The following TNN variants were observed in gnomAD, a reference collection of about 807,000 sequenced individuals.
The protein encoded by TNN is tenascin-N.
Under a neutral mutation model 134.4 loss-of-function variants are expected in TNN, and 122 were observed. The observed-to-expected ratio is 0.91, with a 90% CI of 0.78 to 1.06. The LOEUF is 1.06. Among genes scored for constraint, TNN ranks in the 50% least tolerant of loss-of-function variants. The probability of loss-of-function intolerance (pLI) is 0.00; values close to 1 mark genes in which losing one functional copy is unlikely to be tolerated. For missense variants in TNN, 1,739 were observed against 1,699.4 expected, an observed-to-expected ratio of 1.02 and a Z score of -0.41; for synonymous variants, 710 against 670.3, an observed-to-expected ratio of 1.06 and a Z score of -0.91.
rs1160268455 is a variant in TNN at position 175,109,072 on chromosome 1, A to ATTTTTTTTTTTT, written c.2120-7851_2120-7840dup. On this transcript the variant is annotated intron_variant, in intron 9 of 18. Transcript: ENST00000239462. Reference sequence around the variant, plus strand: ...GAATGTATTTCTTCTATCTAACTGTATTTTTTTTTTTTTTTTTTTTTTTTT... The same window carrying ATTTTTTTTTTTT: ...GAATGTATTTCTTCTATCTAACTGTATTTTTTTTTTTTTTTTTTTTTTTTTTTTTTTTTTTTT... Among the ~76,000 whole-genome samples the ATTTTTTTTTTTT allele has an allele frequency of 5.6e-3, 347 of 61,966 alleles. 65 individuals carry two copies. The highest frequency in any genetic ancestry group is 9.3e-3 in the African/African-American group (139 of 14,910). 40.7% of individuals were successfully genotyped at this position (61,966 alleles called of 152,430 possible).
At chr1:175,109,072 ATTTTTT>A (rs1160268455) in intron 9 of TNN, among the ~76,000 whole-genome samples, 20 of 61,978 alleles carry the variant, frequency 3.2e-4, no homozygotes, top group African/African-American at 6.7e-4. Flanking sequence ...ATCTAACTGT[ATTTTTT>A]TTTTTTTTTT....
chr1:175,108,497 G>T (rs1037356036), intron 9 of TNN, among the ~76,000 whole-genome samples: 7 of 152,256 alleles, frequency 4.6e-5, no homozygotes, highest in Non-Finnish European at 8.8e-5. Context: ...ACTGGGCGCC[G>T]TGGAGCAGGG....
In TNN at chr1:175,104,666, G is replaced by T. The variant is rs565925641; in HGVS notation, c.2119+6071G>T. 9.6e-5 allele frequency among the ~76,000 whole-genome samples: 14 copies of T among 145,344 alleles called. 5 individuals are homozygous for T. In the East Asian group the frequency reaches 3.3e-3, roughly 34 times the overall value. The stretch of plus-strand genomic sequence containing the variant: ...TTGGTCCCTATTATAGAACACCAAG[G>T]TTGCCAGGTTTAATAATGTCTCTAG... On this transcript the variant is annotated intron_variant, in intron 9 of 18. Transcript: ENST00000239462.
At chr1:175,119,784 G>A (rs1410423997) in intron 11 of TNN, among the ~76,000 whole-genome samples, 4 of 151,944 alleles carry the variant, frequency 2.6e-5, no homozygotes. Context: ...ACAAGCGCCC[G>A]CCACCATGCC....
intron 9 of TNN, among the ~76,000 whole-genome samples, chr1:175,100,655 G>A (rs1674698610): frequency 1.3e-5 from 2 of 151,954 alleles, no homozygotes; most frequent in Non-Finnish European, 2.9e-5. Flanking sequence ...AGTGACTTTG[G>A]GAAAACGGCT....
In TNN at chr1:175,079,560, G is replaced by A; in HGVS notation, c.637G>A (p.Val213Met). The A allele has an allele frequency of 1.3e-6, 2 of 1,575,904 alleles. No individual in the cohort carries two copies. Among genetic ancestry groups the A allele is most frequent in the South Asian group, 1.2e-5 (1 of 86,688 alleles). ...GAACTGCAGCGGACACGGCGAGTGC[G>A]TGCGCGGCGTGTGCCAGTGCCACGA... ...PENCSGHGECVRGVCQCHEDF... is the reference protein window; with the variant it reads ...PENCSGHGECMRGVCQCHEDF... Residue 213 changes from valine (V) to methionine (M), a missense_variant, in exon 3 of 19, where the codon GTG becomes ATG. Transcript: ENST00000239462.
intron 9 of TNN, among the ~76,000 whole-genome samples, chr1:175,099,579 A>AGGGGTCAGGAGGAGGAGAGG: frequency 4.1e-5 from 3 of 73,176 alleles, no homozygotes; most frequent in African/African-American, 1.7e-4. Context: ...AAGAGGAGAG[A>AGGGGTCAGGAGGAGGAGAGG]TGAGGGCTCA....
intron 2 of TNN, 38 bp downstream of exon 2, chr1:175,077,865 G>C: frequency 6.3e-7 from 1 of 1,582,786 alleles, no homozygotes; most frequent in Admixed American, 1.7e-5. Context: ...ACAAACATTT[G>C]ATGAGCACCT....
intron 6 of TNN, among the ~76,000 whole-genome samples, chr1:175,089,029 C>T (rs189591818): frequency 1.3e-5 from 2 of 152,178 alleles, no homozygotes; most frequent in Non-Finnish European, 2.9e-5. Flanking sequence ...TCAATTATAT[C>T]CTAAAACCAG....
At chr1:175,139,831 G>A (rs1675903562) in intron 17 of TNN, among the ~76,000 whole-genome samples, 1 of 152,248 alleles carries the variant, frequency 6.6e-6, no homozygotes, top group Admixed American at 6.5e-5. Context: ...TACGACAGCT[G>A]TGATGTCACT....
chr1:175,075,155 C>T (rs1356931224), intron 1 of TNN, among the ~76,000 whole-genome samples: 3 of 152,204 alleles, frequency 2.0e-5, no homozygotes, highest in African/African-American at 7.2e-5. Context: ...GCTCTTCACC[C>T]CCTGTTTCCT....
At chr1:175,136,740 G>A in intron 16 of TNN, 81 bp from the exon 17 acceptor site, 1 of 1,386,786 alleles carries the variant, frequency 7.2e-7, no homozygotes, top group Admixed American at 2.2e-5. Flanking sequence ...TTTAGGTTCT[G>A]AAAGCCTCAG....
At chr1:175,137,637 T>A (rs187619189) in intron 17 of TNN, among the ~76,000 whole-genome samples, 1 of 152,204 alleles carries the variant, frequency 6.6e-6, no homozygotes, top group East Asian at 1.9e-4. Context: ...AATGCTGGAA[T>A]GATACCAGTA....
intron 1 of TNN, among the ~76,000 whole-genome samples, chr1:175,070,869 G>T (rs1324030469): frequency 1.3e-5 from 2 of 152,292 alleles, no homozygotes; most frequent in East Asian, 3.9e-4. Flanking sequence ...AGGTTACTTG[G>T]GAAGTACAGG....
In TNN at chr1:175,118,627, A is replaced by T. The variant is rs1675254416; in HGVS notation, c.2453A>T (p.Asp818Val). 6.2e-7 allele frequency: 1 copy of T among 1,614,058 alleles called. No individual in the cohort carries two copies. The highest frequency in any genetic ancestry group is 2.2e-5 in the East Asian group (1 of 44,874). ...VTENTATVSW[D>V]PVQATIDRYV... is the part of the protein sequence containing the mutation. ...GAGAATACAGCCACTGTCTCCTGGGACCCGGTGCAGGCCACCATTGACAGG... is the reference window on the plus strand; with the variant it reads ...GAGAATACAGCCACTGTCTCCTGGGTCCCGGTGCAGGCCACCATTGACAGG... The change falls in exon 11 of 19, where the codon GAC becomes GTC. Residue 818 changes from aspartate (D) to valine (V), a missense_variant. Transcript: ENST00000239462.
chr1:175,144,825 G>A (rs1030305666), intron 18 of TNN, among the ~76,000 whole-genome samples: 2 of 152,266 alleles, frequency 1.3e-5, no homozygotes, highest in African/African-American at 4.8e-5. Context: ...GACAGATGAT[G>A]TGCTCTGCAC....
At chr1:175,104,599 G>A (rs906127925) in intron 9 of TNN, among the ~76,000 whole-genome samples, 3 of 145,436 alleles carry the variant, frequency 2.1e-5, no homozygotes, top group Admixed American at 6.9e-5. Flanking sequence ...CTAAGGCTGC[G>A]GCCTTTCTCT....
intron 2 of TNN, 101 bp from the exon 3 acceptor site, chr1:175,079,232 G>A (rs1674128982): frequency 7.5e-7 from 1 of 1,339,950 alleles, no homozygotes; most frequent in Non-Finnish European, 9.8e-7. Context: ...CCTTAAGAGT[G>A]GGGCTAATGA....
At chr1:175,136,315 A>AT (rs1180860891) in intron 16 of TNN, among the ~76,000 whole-genome samples, 1 of 152,016 alleles carries the variant, frequency 6.6e-6, no homozygotes, top group Non-Finnish European at 1.5e-5. Context: ...ATTATGAGCA[A>AT]TTTTTTCCCC....
Sources: gnomAD v4.1 joint callset for allele counts (sites outside exome capture counted in the v4.1 genomes callset) on GRCh38, gnomAD v4.1.1 for gene constraint, MANE v1.5 for transcripts, NCBI Gene and HGNC (gene_info 2026-07-23, HGNC 2026-07-21) for gene names.